The following TMEM245 variants were observed in gnomAD, a reference collection of about 807,000 sequenced individuals.
TMEM245 encodes the protein transmembrane protein 245, also known as protein CG-2.
A neutral mutation model predicts 101.2 loss-of-function variants in TMEM245; 69 were observed. The observed-to-expected ratio is 0.68, with a 90% CI of 0.56 to 0.83. TMEM245 has a LOEUF of 0.83. Among genes scored for constraint, TMEM245 ranks in the 40% least tolerant of loss-of-function variants. The pLI, the probability that TMEM245 is intolerant of heterozygous loss-of-function variation, is 0.00. For synonymous variants in TMEM245, 537 were observed against 449.8 expected, an observed-to-expected ratio of 1.19 and a Z score of -2.45; for missense variants, 1,075 against 1,092.8, an observed-to-expected ratio of 0.98 and a Z score of 0.23.
chr9:109,091,240 T>C, intron 4 of TMEM245, 85 bp from the exon 5 acceptor site: 23 of 1,188,396 alleles, frequency 1.9e-5, no homozygotes, highest in Non-Finnish European at 2.7e-5. Flanking sequence ...GGCTAGCCTG[T>C]TTCAGGCCTT....
Position 109,099,787 on chromosome 9 carries a change from T to C in TMEM245, c.800-6196A>G, listed in dbSNP as rs555265269. Among the ~76,000 whole-genome samples, 221 of 152,322 alleles carry C rather than the reference T, an allele frequency of 1.5e-3. 1 individual carries two copies. The highest frequency in any genetic ancestry group is 5.0e-3 in the African/African-American group (209 of 41,572). ...TTGAGTGTTTGTGCTCCAAAACTTA[T>C]GTTAAATTTAATTGCCGTTACCACA... is the stretch of plus-strand genomic sequence containing the variant. On this transcript the variant is annotated intron_variant, in intron 3 of 17. Transcript: ENST00000374586.
intron 1 of TMEM245, among the ~76,000 whole-genome samples, chr9:109,109,761 A>G (rs1226746808): frequency 6.6e-6 from 1 of 152,184 alleles, no homozygotes; most frequent in African/African-American, 2.4e-5. Context: ...AATGATTACG[A>G]TTCACTCAAT....
rs1830105451 is a variant in TMEM245, at chr9:109,095,134, T to C, written c.800-1543A>G. Among the ~76,000 whole-genome samples the C allele has an allele frequency of 2.0e-5, 3 of 152,266 alleles. 1 individual carries two copies. In the South Asian group the frequency reaches 6.2e-4, roughly 32 times the overall value. ...TCGTATCTCTCAATATGAGAGAAAT[T>C]CAAACTCATGGTCTGAGAGGAAAGC... On this transcript the variant is annotated intron_variant, in intron 3 of 17. Transcript: ENST00000374586.
chr9:109,049,532 G>C (rs1029151355), intron 14 of TMEM245, among the ~76,000 whole-genome samples: 1 of 151,848 alleles, frequency 6.6e-6, no homozygotes, highest in African/African-American at 2.4e-5. Context: ...TGTTTTTTAA[G>C]AAACAGGGTC....
At chr9:109,032,341 C>T (rs1338922606) in intron 17 of TMEM245, among the ~76,000 whole-genome samples, 1 of 128,098 alleles carries the variant, frequency 7.8e-6, no homozygotes, top group Non-Finnish European at 1.6e-5. Context: ...TCATGCAATG[C>T]ATTTGGTTGT....
chr9:109,059,028 T>C (rs1310545591), intron 11 of TMEM245, among the ~76,000 whole-genome samples: 3 of 152,162 alleles, frequency 2.0e-5, no homozygotes, highest in Non-Finnish European at 4.4e-5. Flanking sequence ...TTAACAAACC[T>C]ATGCTTATGA....
At chr9:109,062,248 C>G (rs1047297943) in intron 10 of TMEM245, among the ~76,000 whole-genome samples, 2 of 152,110 alleles carry the variant, frequency 1.3e-5, no homozygotes, top group African/African-American at 4.8e-5. Context: ...CCTCCTGACT[C>G]GGCCTCCCAA....
intron 14 of TMEM245, 75 bp from the exon 15 acceptor site, chr9:109,038,192 C>A: frequency 2.7e-6 from 3 of 1,119,122 alleles, no homozygotes; most frequent in Non-Finnish European, 3.8e-6. Context: ...CACGTGACCA[C>A]TTGATTCCAA....
chr9:109,094,435 T>A (rs1830086615), intron 3 of TMEM245, among the ~76,000 whole-genome samples: 1 of 152,238 alleles, frequency 6.6e-6, no homozygotes, highest in Non-Finnish European at 1.5e-5. Context: ...GAGCCTGAAG[T>A]GGCACACTGT....
intron 15 of TMEM245, among the ~76,000 whole-genome samples, chr9:109,036,877 G>C (rs1828143937): frequency 6.6e-6 from 1 of 152,192 alleles, no homozygotes; most frequent in South Asian, 2.1e-4. Flanking sequence ...TTCTCTCCAA[G>C]TTAAGAGTAA....
intron 3 of TMEM245, among the ~76,000 whole-genome samples, chr9:109,104,007 C>T (rs1035580129): frequency 2.6e-5 from 4 of 152,030 alleles, no homozygotes; most frequent in Non-Finnish European, 5.9e-5. Context: ...ATCACTTGAA[C>T]CCAGGAGGTG....
chr9:109,059,945 T>G (rs1337462169), intron 11 of TMEM245, among the ~76,000 whole-genome samples: 1 of 152,004 alleles, frequency 6.6e-6, no homozygotes, highest in African/African-American at 2.4e-5. Flanking sequence ...ATTAAATTTT[T>G]TCTAATGATT....
At chr9:109,022,867 C>A (rs1827672492) in intron 17 of TMEM245, among the ~76,000 whole-genome samples, 1 of 152,226 alleles carries the variant, frequency 6.6e-6, no homozygotes, top group South Asian at 2.1e-4. Flanking sequence ...GGTTCCCTGA[C>A]ATCTTTTCAA....
chr9:109,081,245 T>C (rs1829657770), intron 7 of TMEM245, among the ~76,000 whole-genome samples: 1 of 152,174 alleles, frequency 6.6e-6, no homozygotes, highest in Admixed American at 6.6e-5. Context: ...ATTTATAACC[T>C]GGTAAGTATT....
chr9:109,050,956 T>C (rs1372856529), intron 12 of TMEM245, among the ~76,000 whole-genome samples: 3 of 151,986 alleles, frequency 2.0e-5, no homozygotes, highest in African/African-American at 4.8e-5. Context: ...GAAAATATTT[T>C]ACAATGAAAT....
rs1212939808 is a variant in TMEM245, at chr9:109,017,889, G to A, written c.*2571C>T. On this transcript the variant is annotated 3_prime_UTR_variant, in exon 18 of 18. Transcript: ENST00000374586. Reference sequence around the variant, plus strand: ...GGAATGCTTCTTTCTGGCTCGGAGGGTTCCAAGACCTCCCCAGCTAGTGGA... The same window carrying A: ...GGAATGCTTCTTTCTGGCTCGGAGGATTCCAAGACCTCCCCAGCTAGTGGA... 1 of 152,154 alleles carries A rather than the reference G, an allele frequency of 6.6e-6. No homozygotes were observed. Among genetic ancestry groups the A allele is most frequent in the Non-Finnish European group, 1.5e-5 (1 of 68,038 alleles). 9.4% of individuals were successfully genotyped at this position (152,154 alleles called of 1,614,324 possible).
At chr9:109,073,168 C>A in intron 9 of TMEM245, 188 bp downstream of exon 9, 1 of 570,052 alleles carries the variant, frequency 1.8e-6, no homozygotes, top group Non-Finnish European at 3.1e-6. Context: ...ACCTAAAATC[C>A]TGAGCACTTT....
chr9:109,036,665 A>G (rs1828134369), intron 15 of TMEM245, among the ~76,000 whole-genome samples: 1 of 152,192 alleles, frequency 6.6e-6, no homozygotes, highest in Non-Finnish European at 1.5e-5. Context: ...TGCTACTATC[A>G]ATCAATAGTT....
intron 12 of TMEM245, among the ~76,000 whole-genome samples, chr9:109,054,385 A>T (rs1828774891): frequency 6.6e-6 from 1 of 152,228 alleles, no homozygotes; most frequent in African/African-American, 2.4e-5. Flanking sequence ...GTAGTGATAT[A>T]TGAGATTCCT....
Sources: allele counts gnomAD v4.1 joint callset (sites outside exome capture counted in the v4.1 genomes callset), GRCh38; gene constraint gnomAD v4.1.1; transcripts MANE v1.5; gene names NCBI Gene and HGNC (gene_info 2026-07-23, HGNC 2026-07-21).